Variants in KCTD1 observed in about 807,000 individuals in gnomAD.
The protein encoded by KCTD1 is potassium channel tetramerization domain containing 1.
Under a neutral mutation model 66.0 loss-of-function variants are expected in KCTD1, and 24 were observed. The ratio of observed to expected loss-of-function variants is 0.36; its 90% CI spans 0.26 to 0.51. The LOEUF (loss-of-function observed/expected upper bound fraction) is 0.51. Among genes scored for constraint, KCTD1 ranks in the 20% least tolerant of loss-of-function variants. The pLI is 0.95. For missense variants in KCTD1, 943 were observed against 1,205.2 expected (o/e 0.78, Z 3.22); for synonymous variants, 511 against 517.2 (o/e 0.99, Z 0.16).
chr18:26,579,314 A>T (rs1404025005), intron 1 of KCTD1, among the ~76,000 whole-genome samples: 1 of 152,196 alleles, frequency 6.6e-6, no homozygotes, highest in Non-Finnish European at 1.5e-5. Context: ...ATGTCCAGTT[A>T]GTGTCCAATT....
intron 2 of KCTD1, among the ~76,000 whole-genome samples, chr18:26,487,069 C>T (rs1391696004): frequency 1.3e-5 from 2 of 152,182 alleles, no homozygotes; most frequent in African/African-American, 2.4e-5. Flanking sequence ...CCTTCACACC[C>T]CCACCTTACC....
chr18:26,559,528 A>G (rs1200186812), intron 1 of KCTD1, among the ~76,000 whole-genome samples: 9 of 152,188 alleles, frequency 5.9e-5, no homozygotes, highest in Non-Finnish European at 1.5e-5. Flanking sequence ...CCTGGACCCC[A>G]TTGTGAGAAC....
chr18:26,513,722 C>G (rs1030894603), intron 1 of KCTD1, among the ~76,000 whole-genome samples: 5 of 152,154 alleles, frequency 3.3e-5, no homozygotes, highest in African/African-American at 9.7e-5. Flanking sequence ...TTTTACTAGT[C>G]TATGATTTTT....
At chr18:26,540,862 T>C (rs1223016493) in intron 1 of KCTD1, among the ~76,000 whole-genome samples, 3 of 152,210 alleles carry the variant, frequency 2.0e-5, no homozygotes. Flanking sequence ...AAGCAGTGTT[T>C]TGACTGCAGG....
At chr18:26,647,023 G>C (rs193020715) in intron 1 of KCTD1, among the ~76,000 whole-genome samples, 101 of 152,204 alleles carry the variant, frequency 6.6e-4, no homozygotes, top group Middle Eastern at 3.4e-3. Flanking sequence ...GACTCCACTG[G>C]TCTTGAACTC....
chr18:26,657,400 T>C (rs1467118753), exon 1 of KCTD1: 8 of 985,602 alleles, frequency 8.1e-6, no homozygotes, highest in Non-Finnish European at 9.6e-6. Flanking sequence ...AAGTCCCCTT[T>C]TCCTTTTCCT....
At chr18:26,513,782 TAGA>T (rs1983480785) in intron 1 of KCTD1, among the ~76,000 whole-genome samples, 1 of 152,252 alleles carries the variant, frequency 6.6e-6, no homozygotes, top group Non-Finnish European at 1.5e-5. Flanking sequence ...GCTAGCATTT[TAGA>T]AGGTCAGAAT....
chr18:26,548,060 C>CAT lies in KCTD1; in HGVS notation c.476_477insAT (p.Leu160CysfsTer10). The CAT allele has an allele frequency of 6.7e-7, 1 of 1,496,960 alleles. No individual in the cohort carries two copies. Among genetic ancestry groups the CAT allele is most frequent in the East Asian group, 2.5e-5 (1 of 40,418 alleles). 92.7% of individuals were successfully genotyped at this position (1,496,960 alleles called of 1,614,324 possible). On this transcript the variant is annotated frameshift_variant, in exon 1 of 5. Transcript: ENST00000580059. LOFTEE classifies it high-confidence loss of function. ...GCCGGGCCCGCTCGGGGCGCTGCAG[C>CAT]ACGTCGGGGTCCAGCTCGGAGCCGT...
intron 3 of KCTD1, among the ~76,000 whole-genome samples, chr18:26,461,445 T>C (rs1980419180): frequency 6.6e-6 from 1 of 152,230 alleles, no homozygotes; most frequent in Admixed American, 6.5e-5. Flanking sequence ...AAATCTTCCT[T>C]GCACATGTTC....
At chr18:26,649,585 T>C (rs972323661) in intron 1 of KCTD1, among the ~76,000 whole-genome samples, 1 of 152,184 alleles carries the variant, frequency 6.6e-6, no homozygotes, top group Non-Finnish European at 1.5e-5. Flanking sequence ...CTCAGCTCAC[T>C]GCAACCTCCG....
intron 1 of KCTD1, among the ~76,000 whole-genome samples, chr18:26,534,047 G>C (rs907025370): frequency 6.6e-6 from 1 of 152,068 alleles, no homozygotes; most frequent in South Asian, 2.1e-4. Context: ...TAAGTACACT[G>C]CTTATAATTA....
intron 1 of KCTD1, among the ~76,000 whole-genome samples, chr18:26,646,378 CA>C (rs1255689249): frequency 1.3e-5 from 2 of 151,972 alleles, no homozygotes; most frequent in Non-Finnish European, 2.9e-5. Flanking sequence ...ATTATGAGGC[CA>C]AAAAGTAGAC....
At chr18:26,612,248 T>G in intron 1 of KCTD1, among the ~76,000 whole-genome samples, 1 of 152,146 alleles carries the variant, frequency 6.6e-6, no homozygotes. Flanking sequence ...GCAGCCTTGG[T>G]GTCCCTGGAA....
At chr18:26,638,782 G>A (rs1166570066) in intron 1 of KCTD1, among the ~76,000 whole-genome samples, 1 of 152,212 alleles carries the variant, frequency 6.6e-6, no homozygotes, top group Non-Finnish European at 1.5e-5. Context: ...CCTCTTTCCT[G>A]ACTTTCTGAC....
intron 1 of KCTD1, among the ~76,000 whole-genome samples, chr18:26,576,934 T>C (rs1652815944): frequency 1.3e-5 from 2 of 152,216 alleles, no homozygotes; most frequent in South Asian, 4.1e-4. Flanking sequence ...TTATTTCATA[T>C]TGCAGAAGTA....
intron 1 of KCTD1, among the ~76,000 whole-genome samples, chr18:26,646,167 A>G (rs543796217): frequency 6.6e-6 from 1 of 152,346 alleles, no homozygotes; most frequent in South Asian, 2.1e-4. Context: ...ATTAACAAAA[A>G]TGATATTGGA....
At chr18:26,527,518 G>A (rs1049544814) in intron 1 of KCTD1, among the ~76,000 whole-genome samples, 8 of 150,616 alleles carry the variant, frequency 5.3e-5, no homozygotes, top group African/African-American at 1.7e-4. Context: ...GAGGGATGAC[G>A]AGGTGGAACA....
intron 2 of KCTD1, among the ~76,000 whole-genome samples, chr18:26,498,319 T>C (rs146609268): frequency 9.2e-5 from 14 of 151,938 alleles, no homozygotes; most frequent in African/African-American, 1.4e-4. Context: ...TCTAATTACG[T>C]TGGTGAAAGA....
At chr18:26,513,199 T>C (rs1222087963) in intron 1 of KCTD1, among the ~76,000 whole-genome samples, 1 of 150,872 alleles carries the variant, frequency 6.6e-6, no homozygotes, top group Non-Finnish European at 1.5e-5. Flanking sequence ...GCCATTCTCC[T>C]GCCTCAGCCT....
Sources: gnomAD v4.1 joint callset for allele counts (sites outside exome capture counted in the v4.1 genomes callset) on GRCh38, gnomAD v4.1.1 for gene constraint, MANE v1.5 for transcripts, NCBI Gene and HGNC (gene_info 2026-07-23, HGNC 2026-07-21) for gene names.